Variants in SAMMSON observed in about 807,000 individuals in gnomAD.
The protein encoded by SAMMSON is long intergenic non-protein coding RNA 1212.
At chr3:70,044,240 C>T (rs2067115733) in intron 3 of SAMMSON, among the ~76,000 whole-genome samples, 1 of 151,946 alleles carries the variant, frequency 6.6e-6, no homozygotes, top group African/African-American at 2.4e-5. Flanking sequence ...AGTCTGAGCT[C>T]TGGATAGCAA....
At chr3:70,050,005 G>A (rs2067140436) in intron 3 of SAMMSON, among the ~76,000 whole-genome samples, 1 of 152,014 alleles carries the variant, frequency 6.6e-6, no homozygotes, top group Non-Finnish European at 1.5e-5. Flanking sequence ...TATGTGCCAA[G>A]CTGGAAAAGT....
intron 1 of SAMMSON, among the ~76,000 whole-genome samples, chr3:70,006,322 G>A (rs1307471909): frequency 1.3e-5 from 2 of 152,146 alleles, no homozygotes; most frequent in Non-Finnish European, 2.9e-5. Context: ...AGTCATCCAA[G>A]GGAAACCAAT....
At chr3:70,223,205 G>A (rs1291259754) in intron 4 of SAMMSON, among the ~76,000 whole-genome samples, 1 of 152,080 alleles carries the variant, frequency 6.6e-6, no homozygotes, top group Non-Finnish European at 1.5e-5. Context: ...TTTTGTCTAA[G>A]TTTTCCCTTA....
chr3:70,163,354 T>TATAGAG lies in SAMMSON; in HGVS notation n.508-85752_508-85751insTAGAGA, dbSNP rs570562417. Among the ~76,000 whole-genome samples, 6 of 148,018 alleles carry TATAGAG rather than the reference T, an allele frequency of 4.1e-5. No homozygotes were observed. The East Asian group carries it at 9.8e-4, about 24-fold the overall frequency. On this transcript the variant is annotated intron_variant and non_coding_transcript_variant, in intron 4 of 9. Transcript: ENST00000642114. ...TCCATCTATATAGAATATATATATA[T>TATAGAG]AGAGAGAGAGAGAGAGAGAGAGTTA... is the stretch of plus-strand genomic sequence containing the variant.
intron 4 of SAMMSON, among the ~76,000 whole-genome samples, chr3:70,233,517 A>C (rs1701580685): frequency 6.6e-6 from 1 of 152,202 alleles, no homozygotes; most frequent in African/African-American, 2.4e-5. Flanking sequence ...AATAATTGAC[A>C]AGGCTTTAAA....
chr3:70,316,321 A>G (rs1462324433), intron 7 of SAMMSON, among the ~76,000 whole-genome samples: 1 of 152,132 alleles, frequency 6.6e-6, no homozygotes, highest in Non-Finnish European at 1.5e-5. Flanking sequence ...AGTGTTTTTA[A>G]AACAATAAAA....
intron 9 of SAMMSON, among the ~76,000 whole-genome samples, chr3:70,380,082 T>G (rs556432765): frequency 6.6e-6 from 1 of 152,056 alleles, no homozygotes; most frequent in East Asian, 1.9e-4. Context: ...ATAAATACAT[T>G]TATATAAAGT....
intron 4 of SAMMSON, among the ~76,000 whole-genome samples, chr3:70,169,423 A>C (rs1481167393): frequency 1.3e-5 from 2 of 151,868 alleles, no homozygotes; most frequent in Non-Finnish European, 2.9e-5. Flanking sequence ...TGTATTTCTT[A>C]TTTGGTATGA....
chr3:70,287,213 T>C (rs1702175518), intron 6 of SAMMSON, among the ~76,000 whole-genome samples: 1 of 138,866 alleles, frequency 7.2e-6, no homozygotes. Context: ...ATAGCTCTTA[T>C]TATTTTGAAA....
chr3:70,263,445 G>C (rs55758710), intron 6 of SAMMSON, among the ~76,000 whole-genome samples: 23,581 of 152,104 alleles, frequency 0.16, 1,865 homozygotes, highest in South Asian at 0.25. Flanking sequence ...TCCTTCTGCA[G>C]TTGTGACCCT....
intron 2 of SAMMSON, among the ~76,000 whole-genome samples, chr3:70,415,661 C>T (rs185526951): frequency 6.6e-6 from 1 of 152,104 alleles, no homozygotes; most frequent in Non-Finnish European, 1.5e-5. Flanking sequence ...AGGTCAATCT[C>T]CTAATCAAAT....
At chr3:70,093,793 A>C (rs2067313690) in intron 4 of SAMMSON, among the ~76,000 whole-genome samples, 1 of 152,172 alleles carries the variant, frequency 6.6e-6, no homozygotes, top group Non-Finnish European at 1.5e-5. Context: ...TTCTGAAGAA[A>C]GTGTTTGAAA....
chr3:70,428,412 G>A (rs542237116), intron 2 of SAMMSON, among the ~76,000 whole-genome samples: 51 of 152,196 alleles, frequency 3.4e-4, no homozygotes, highest in African/African-American at 1.2e-3. Flanking sequence ...AAATAATAAA[G>A]TCCACAAATA....
At chr3:70,287,041 C>T (rs1173491150) in intron 6 of SAMMSON, among the ~76,000 whole-genome samples, 2 of 146,674 alleles carry the variant, frequency 1.4e-5, no homozygotes, top group South Asian at 2.3e-4. Flanking sequence ...TAATTGAATA[C>T]CCTTTATTTC....
At chr3:70,100,600 C>T (rs1037451782) in intron 4 of SAMMSON, among the ~76,000 whole-genome samples, 1 of 151,570 alleles carries the variant, frequency 6.6e-6, no homozygotes, top group Non-Finnish European at 1.5e-5. Context: ...AATTCTTTCC[C>T]AAGAATCTTT....
chr3:70,057,657 AGTGTGTGTGTGT>A (rs35757148), intron 3 of SAMMSON, among the ~76,000 whole-genome samples: 1 of 148,894 alleles, frequency 6.7e-6, no homozygotes, highest in Non-Finnish European at 1.5e-5. Context: ...TATATGGATG[AGTGTGTGTGTGT>A]GTGTGTGTGT....
intron 4 of SAMMSON, among the ~76,000 whole-genome samples, chr3:70,161,348 C>T (rs1245546468): frequency 6.6e-6 from 1 of 151,894 alleles, no homozygotes; most frequent in Non-Finnish European, 1.5e-5. Flanking sequence ...AAATTCCTGC[C>T]TATTCCAAGC....
At chr3:70,059,400 C>T (rs1262995321) in intron 3 of SAMMSON, among the ~76,000 whole-genome samples, 1 of 151,824 alleles carries the variant, frequency 6.6e-6, no homozygotes, top group Non-Finnish European at 1.5e-5. Context: ...TTGAGAATTC[C>T]CATGATCTGC....
chr3:70,058,414 C>G (rs1261293540), intron 3 of SAMMSON, among the ~76,000 whole-genome samples: 1 of 151,916 alleles, frequency 6.6e-6, no homozygotes, highest in Admixed American at 6.6e-5. Context: ...ACAGAATCAC[C>G]AGATCTAACA....
Sources: allele counts gnomAD v4.1 joint callset (sites outside exome capture counted in the v4.1 genomes callset), GRCh38; gene constraint gnomAD v4.1.1; transcripts MANE v1.5; gene names NCBI Gene and HGNC (gene_info 2026-07-23, HGNC 2026-07-21).